Variants in ZBTB16 observed in about 807,000 individuals in gnomAD.
The protein encoded by ZBTB16 is zinc finger and BTB domain containing 16.
In ZBTB16, 8 loss-of-function variants were observed where a neutral mutation model predicts 56.8. That is an observed-to-expected ratio of 0.14 (90% CI 0.08 to 0.25). The LOEUF (loss-of-function observed/expected upper bound fraction) is 0.25, where lower values mean the gene tolerates loss of function less well. Ranked by LOEUF, ZBTB16 falls within the 10% of genes least tolerant of loss-of-function variation. The pLI, the probability that ZBTB16 is intolerant of heterozygous loss-of-function variation, is 1.00. For synonymous variants in ZBTB16, 363 were observed against 368.5 expected (o/e 0.98, Z 0.17); for missense variants, 625 against 903.0 (o/e 0.69, Z 3.95).
At chr11:114,244,050 C>T (rs1245300122) in intron 5 of ZBTB16, among the ~76,000 whole-genome samples, 6 of 152,314 alleles carry the variant, frequency 3.9e-5, no homozygotes, top group South Asian at 2.1e-4. Flanking sequence ...CGAGGCACTG[C>T]GCACACAAGC....
In ZBTB16 at chr11:114,209,615, C is replaced by T. The variant is rs576622102; in HGVS notation, c.1453+22577C>T. The T allele has an allele frequency of 6.9e-5, 68 of 985,406 alleles. 1 individual carries two copies. The South Asian group carries it at 3.0e-3, about 44-fold the overall frequency. 61.0% of individuals were successfully genotyped at this position (985,406 alleles called of 1,614,324 possible). On this transcript the variant is annotated intron_variant, in intron 4 of 6. Coordinates refer to ENST00000335953, the MANE Select transcript of ZBTB16 (RefSeq NM_006006.6). ...AAGGCAACTGCCTCCCTGGGGGGCT[C>T]TCCTCTGCCTTAGGGTGGTGACTAT...
intron 4 of ZBTB16, chr11:114,187,829 TGTCAGAGCAGCAGCA>T (rs1943399124): frequency 6.5e-6 from 1 of 153,478 alleles, no homozygotes; most frequent in Non-Finnish European, 1.4e-5. Context: ...CTCCTCCTCA[TGTCAGAGCAGCAGCA>T]GCAGCAGCAG....
chr11:114,078,467 A>G (rs1565612720), intron 2 of ZBTB16, among the ~76,000 whole-genome samples: 1 of 152,246 alleles, frequency 6.6e-6, no homozygotes, highest in Non-Finnish European at 1.5e-5. Flanking sequence ...TTCTGACCTC[A>G]TCACCTAGTC....
intron 3 of ZBTB16, among the ~76,000 whole-genome samples, chr11:114,181,322 C>G (rs1396027812): frequency 6.6e-6 from 1 of 152,256 alleles, no homozygotes; most frequent in Non-Finnish European, 1.5e-5. Flanking sequence ...GGGACCTCCC[C>G]TTACTGCTTC....
Position 114,218,148 on chromosome 11 carries a change from C to G in ZBTB16, c.1454-24019C>G, listed in dbSNP as rs540695813. 7.2e-5 allele frequency among the ~76,000 whole-genome samples: 11 copies of G among 152,304 alleles called. No homozygotes were observed. The South Asian group carries it at 2.3e-3, about 32-fold the overall frequency. ...GGGATTGGATGGGCAGTCCTCCAGGCTGCTGTTGGAAATTTCTCAGAGAAG... is the reference window on the plus strand; with the variant it reads ...GGGATTGGATGGGCAGTCCTCCAGGGTGCTGTTGGAAATTTCTCAGAGAAG... On this transcript the variant is annotated intron_variant, in intron 4 of 6. Coordinates refer to ENST00000335953, the MANE Select transcript of ZBTB16 (RefSeq NM_006006.6).
At chr11:114,183,329 C>T (rs919696776) in intron 3 of ZBTB16, among the ~76,000 whole-genome samples, 2 of 152,144 alleles carry the variant, frequency 1.3e-5, no homozygotes, top group African/African-American at 2.4e-5. Flanking sequence ...AGGCTTGGGC[C>T]GAGGCAGCCG....
chr11:114,116,411 C>T (rs988470635), intron 2 of ZBTB16, among the ~76,000 whole-genome samples: 1 of 152,206 alleles, frequency 6.6e-6, no homozygotes, highest in Non-Finnish European at 1.5e-5. Context: ...CTGAACTTCT[C>T]CTCATGCTTA....
At chr11:114,088,521 A>G (rs1940051909) in intron 2 of ZBTB16, among the ~76,000 whole-genome samples, 1 of 152,124 alleles carries the variant, frequency 6.6e-6, no homozygotes, top group Non-Finnish European at 1.5e-5. Flanking sequence ...CTGGAATCCT[A>G]TTCAGTTATA....
chr11:114,187,732 T>C (rs1410983952), intron 4 of ZBTB16: 2 of 153,168 alleles, frequency 1.3e-5, no homozygotes, highest in African/African-American at 4.8e-5. Context: ...GGAACCAGGC[T>C]GCATGGCAAG....
chr11:114,178,598 T>A (rs907744715), intron 3 of ZBTB16, among the ~76,000 whole-genome samples: 5 of 152,024 alleles, frequency 3.3e-5, no homozygotes, highest in African/African-American at 4.8e-5. Context: ...CTAAAAGGGG[T>A]AACAAAAGAG....
At chr11:114,128,745 C>T (rs1941582568) in intron 2 of ZBTB16, among the ~76,000 whole-genome samples, 1 of 152,064 alleles carries the variant, frequency 6.6e-6, no homozygotes, top group Admixed American at 6.5e-5. Flanking sequence ...CATTGAAGGC[C>T]TGGGTGGTTT....
chr11:114,123,951 A>G (rs571563260), intron 2 of ZBTB16, among the ~76,000 whole-genome samples: 2 of 152,250 alleles, frequency 1.3e-5, no homozygotes, highest in East Asian at 1.9e-4. Context: ...CCAGATGATG[A>G]ATATATTTTT....
In ZBTB16 at chr11:114,252,532, C is replaced by T. The variant is rs1419831381; in HGVS notation, c.*1977C>T. On this transcript the variant is annotated 3_prime_UTR_variant, in exon 7 of 7. Coordinates refer to ENST00000335953, the MANE Select transcript of ZBTB16 (RefSeq NM_006006.6). The stretch of plus-strand genomic sequence containing the variant: ...CCTCCCTCTTTTCCCCAACCTCCCC[C>T]GACCCTCCTGAATTTTGGAAAGCAC... Among the ~76,000 whole-genome samples, 5 of 152,238 alleles carry T rather than the reference C, an allele frequency of 3.3e-5. No homozygotes were observed. Among genetic ancestry groups the T allele is most frequent in the Middle Eastern group, 3.4e-3 (1 of 294 alleles).
chr11:114,151,075 G>A (rs1436670928), intron 2 of ZBTB16, among the ~76,000 whole-genome samples: 2 of 152,184 alleles, frequency 1.3e-5, no homozygotes, highest in Non-Finnish European at 1.5e-5. Context: ...TCTCCCGTCT[G>A]CTTCCTATCT....
chr11:114,157,920 C>T (rs1049667104), intron 3 of ZBTB16, among the ~76,000 whole-genome samples: 3 of 152,170 alleles, frequency 2.0e-5, no homozygotes, highest in African/African-American at 7.2e-5. Flanking sequence ...AATCATCCTC[C>T]TCCTGCCCAT....
At position 114,255,518 on chromosome 11, in the gene ZBTB16, A is replaced by C. The variant is rs961160381; in HGVS notation, c.*4963A>C. Among the ~76,000 whole-genome samples, 4 of 122,590 alleles carry C rather than the reference A, an allele frequency of 3.3e-5. No homozygotes were observed. Among genetic ancestry groups the C allele is most frequent in the South Asian group, 2.7e-4 (1 of 3,766 alleles). 80.4% of individuals were successfully genotyped at this position (122,590 alleles called of 152,430 possible). Reference sequence around the variant, plus strand: ...TCCCCGTCTCATTTCTGTCCACTCCATTCTCTCTCCCTCTCTCCTGCCTCC... The same window carrying C: ...TCCCCGTCTCATTTCTGTCCACTCCCTTCTCTCTCCCTCTCTCCTGCCTCC... On this transcript the variant is annotated 3_prime_UTR_variant, in exon 7 of 7. Coordinates refer to ENST00000335953, the MANE Select transcript of ZBTB16 (RefSeq NM_006006.6).
At chr11:114,160,662 G>A (rs552968585) in intron 3 of ZBTB16, among the ~76,000 whole-genome samples, 4 of 152,310 alleles carry the variant, frequency 2.6e-5, no homozygotes, top group South Asian at 4.1e-4. Flanking sequence ...TTTTAAAAGA[G>A]CCTAAATGGT....
Position 114,252,958 on chromosome 11 carries a change from GT to G in ZBTB16, c.*2407del, listed in dbSNP as rs1212908442. ...TTTGCAACTATAGTAACGACTTAGT[GT>G]TTTGGAAAGGAAAAGAAGTTAAACT... On this transcript the variant is annotated 3_prime_UTR_variant, in exon 7 of 7. Coordinates refer to ENST00000335953, the MANE Select transcript of ZBTB16 (RefSeq NM_006006.6). Among the ~76,000 whole-genome samples the G allele has an allele frequency of 6.6e-6, 1 of 152,190 alleles. No individual in the cohort carries two copies. The highest frequency in any genetic ancestry group is 2.4e-5 in the African/African-American group (1 of 41,450).
intron 2 of ZBTB16, among the ~76,000 whole-genome samples, chr11:114,153,457 A>G (rs1245238073): frequency 6.6e-6 from 1 of 152,240 alleles, no homozygotes; most frequent in Non-Finnish European, 1.5e-5. Flanking sequence ...AGGATTAGAC[A>G]GGATAGGACA....
Sources: gnomAD v4.1 joint callset for allele counts (sites outside exome capture counted in the v4.1 genomes callset) on GRCh38, gnomAD v4.1.1 for gene constraint, MANE v1.5 for transcripts, NCBI Gene and HGNC (gene_info 2026-07-23, HGNC 2026-07-21) for gene names.